The following ROBO2 variants were observed in gnomAD, a reference collection of about 807,000 sequenced individuals.
ROBO2 encodes the protein roundabout homolog 2.
ROBO2 carries 53 observed loss-of-function variants against 160.8 expected under a neutral mutation model. That is an observed-to-expected ratio of 0.33 (90% CI 0.26 to 0.41). ROBO2 has a LOEUF of 0.41. Ranked by LOEUF, ROBO2 falls within the 10% of genes least tolerant of loss-of-function variation. The pLI is 1.00. For synonymous variants in ROBO2, 664 were observed against 611.7 expected (o/e 1.09, Z -1.26); for missense variants, 1,577 against 1,722.4 (o/e 0.92, Z 1.49).
chr3:76,717,975 A>T (rs2093408865), intron 2 of ROBO2, among the ~76,000 whole-genome samples: 1 of 152,224 alleles, frequency 6.6e-6, no homozygotes, highest in African/African-American at 2.4e-5. Flanking sequence ...CTTAAATTTC[A>T]ACTGATATAA....
At chr3:77,088,829 C>T (rs182595242) in intron 1 of ROBO2, among the ~76,000 whole-genome samples, 3 of 152,284 alleles carry the variant, frequency 2.0e-5, no homozygotes, top group East Asian at 3.9e-4. Flanking sequence ...GTAATCTATA[C>T]ATTTATCAAA....
intron 2 of ROBO2, among the ~76,000 whole-genome samples, chr3:76,062,198 C>G (rs2068090411): frequency 6.6e-6 from 1 of 152,092 alleles, no homozygotes; most frequent in African/African-American, 2.4e-5. Context: ...ATGGAGCCGA[C>G]TTTTAAAACA....
intron 2 of ROBO2, among the ~76,000 whole-genome samples, chr3:76,251,312 C>T (rs996766925): frequency 1.8e-4 from 28 of 151,624 alleles, no homozygotes; most frequent in African/African-American, 5.3e-4. Context: ...ATGAAAGAGA[C>T]GTGAAATGAA....
chr3:77,513,829 G>A (rs1427769970), intron 5 of ROBO2, among the ~76,000 whole-genome samples: 4 of 151,626 alleles, frequency 2.6e-5, no homozygotes, highest in Non-Finnish European at 5.9e-5. Context: ...ACGTTGTCCA[G>A]GGGCCAAATC....
At chr3:77,223,454 A>G (rs1047813551) in intron 2 of ROBO2, among the ~76,000 whole-genome samples, 1 of 152,116 alleles carries the variant, frequency 6.6e-6, no homozygotes, top group Non-Finnish European at 1.5e-5. Context: ...ATTTAATGTC[A>G]GTTTGCTTCC....
chr3:76,455,095 A>T (rs747808975), intron 2 of ROBO2, among the ~76,000 whole-genome samples: 1 of 152,262 alleles, frequency 6.6e-6, no homozygotes, highest in East Asian at 1.9e-4. Context: ...CATAAAGTAT[A>T]CAGTGTTTCA....
At chr3:77,618,147 G>A (rs946249264) in intron 22 of ROBO2, 3 of 281,426 alleles carry the variant, frequency 1.1e-5, no homozygotes, top group Non-Finnish European at 2.1e-5. Flanking sequence ...CACATCCCAT[G>A]ATGTAATAAA....
intron 2 of ROBO2, among the ~76,000 whole-genome samples, chr3:77,102,587 A>T (rs1390407187): frequency 6.6e-6 from 1 of 152,192 alleles, no homozygotes; most frequent in East Asian, 1.9e-4. Context: ...TTTTTTATTC[A>T]CATTAGTTGT....
At chr3:77,051,721 T>C (rs2065245705) in intron 1 of ROBO2, among the ~76,000 whole-genome samples, 1 of 152,204 alleles carries the variant, frequency 6.6e-6, no homozygotes, top group Admixed American at 6.5e-5. Flanking sequence ...CAAACATGGA[T>C]CTCTATAGGA....
At chr3:77,131,006 A>G (rs1367961232) in intron 2 of ROBO2, among the ~76,000 whole-genome samples, 4 of 152,162 alleles carry the variant, frequency 2.6e-5, no homozygotes, top group Admixed American at 6.6e-5. Flanking sequence ...AGAATTTCTT[A>G]CTGCTTTTTC....
chr3:76,758,992 T>C (rs1404647119), intron 2 of ROBO2, among the ~76,000 whole-genome samples: 1 of 151,918 alleles, frequency 6.6e-6, no homozygotes, highest in Non-Finnish European at 1.5e-5. Context: ...TTAAAATAGA[T>C]GTCATGTCAA....
chr3:76,218,939 A>G (rs866370719), intron 2 of ROBO2, among the ~76,000 whole-genome samples: 5 of 152,228 alleles, frequency 3.3e-5, no homozygotes, highest in Non-Finnish European at 7.3e-5. Context: ...TAACCAAAGC[A>G]GCATGATACT....
chr3:76,230,652 G>T (rs1704566905), intron 2 of ROBO2, among the ~76,000 whole-genome samples: 1 of 151,712 alleles, frequency 6.6e-6, no homozygotes, highest in South Asian at 2.1e-4. Flanking sequence ...ACTACTATTT[G>T]TTATTCAATC....
chr3:75,912,138 G>A (rs1474424548), intron 1 of ROBO2, among the ~76,000 whole-genome samples: 1 of 152,058 alleles, frequency 6.6e-6, no homozygotes, highest in Non-Finnish European at 1.5e-5. Flanking sequence ...TAGAAAACTA[G>A]AATGAGTATT....
intron 23 of ROBO2, chr3:77,632,599 G>T (rs1039887851): frequency 1.4e-5 from 21 of 1,535,666 alleles, no homozygotes; most frequent in Non-Finnish European, 7.8e-6. Context: ...ACAAGCACTG[G>T]TGGCAGCAGC....
At chr3:76,076,587 T>C (rs1251471160) in intron 2 of ROBO2, among the ~76,000 whole-genome samples, 1 of 152,238 alleles carries the variant, frequency 6.6e-6, no homozygotes, top group Non-Finnish European at 1.5e-5. Context: ...ATGCAAGCTA[T>C]AAAATTAATT....
intron 2 of ROBO2, among the ~76,000 whole-genome samples, chr3:77,453,375 CTT>C (rs10706052): frequency 2.7e-5 from 4 of 146,100 alleles, no homozygotes; most frequent in Admixed American, 1.4e-4. Context: ...ATTTTAAAGC[CTT>C]TTTTTTTTTC....
At chr3:75,983,532 T>A (rs2065334584) in intron 2 of ROBO2, among the ~76,000 whole-genome samples, 1 of 151,576 alleles carries the variant, frequency 6.6e-6, no homozygotes, top group East Asian at 1.9e-4. Flanking sequence ...AAATTAGAAT[T>A]GATTTGATGG....
At chr3:77,623,356 G>T (rs2094939171) in intron 23 of ROBO2, among the ~76,000 whole-genome samples, 1 of 152,088 alleles carries the variant, frequency 6.6e-6, no homozygotes, top group African/African-American at 2.4e-5. Context: ...CATCCTAGGA[G>T]ATATTTTACC....
Sources: gnomAD v4.1 joint callset for allele counts (sites outside exome capture counted in the v4.1 genomes callset) on GRCh38, gnomAD v4.1.1 for gene constraint, MANE v1.5 for transcripts, NCBI Gene and HGNC (gene_info 2026-07-23, HGNC 2026-07-21) for gene names.